The following PIK3C2G variants were observed in gnomAD, a reference collection of about 807,000 sequenced individuals.
The protein encoded by PIK3C2G is phosphatidylinositol 3-kinase C2 domain-containing subunit gamma.
In PIK3C2G, 168 loss-of-function variants were observed where a neutral mutation model predicts 181.1. The observed-to-expected ratio is 0.93, with a 90% CI of 0.82 to 1.05. The LOEUF is 1.05. PIK3C2G is among the 50% of genes least tolerant of loss of function. PIK3C2G has a pLI of 0.00. For synonymous variants in PIK3C2G, 573 were observed against 592.2 expected (o/e 0.97, Z 0.47); for missense variants, 1,869 against 1,732.8 (o/e 1.08, Z -1.40).
At chr12:18,541,971 G>T (rs926518507) in intron 25 of PIK3C2G, among the ~76,000 whole-genome samples, 1 of 151,806 alleles carries the variant, frequency 6.6e-6, no homozygotes, top group Non-Finnish European at 1.5e-5. Flanking sequence ...ACTATTATAG[G>T]TTCATCTGGT....
chr12:18,653,674 AAG>A, the PIK3C2G span, among the ~76,000 whole-genome samples: 2 of 152,164 alleles, frequency 1.3e-5, no homozygotes, highest in Non-Finnish European at 2.9e-5. Flanking sequence ...TTATATACTT[AAG>A]TCACCTCAAC....
intron 11 of PIK3C2G, chr12:18,358,608 G>A: frequency 2.1e-6 from 1 of 467,570 alleles, no homozygotes; most frequent in East Asian, 5.9e-5. Context: ...AAGAATGCCA[G>A]GACAAAAGTT....
chr12:18,299,715 C>T (rs1373314583), intron 5 of PIK3C2G, among the ~76,000 whole-genome samples: 1 of 151,728 alleles, frequency 6.6e-6, no homozygotes, highest in Non-Finnish European at 1.5e-5. Flanking sequence ...TATATTTATA[C>T]CTAGTTTGTT....
chr12:18,565,084 T>G (rs918046351), intron 28 of PIK3C2G, among the ~76,000 whole-genome samples: 27 of 152,312 alleles, frequency 1.8e-4, no homozygotes, highest in Admixed American at 1.8e-3. Context: ...TTTTGTCCTA[T>G]GTTCCCTGAA....
chr12:18,532,208 C>T (rs114389639), intron 24 of PIK3C2G, among the ~76,000 whole-genome samples: 1,829 of 152,084 alleles, frequency 0.012, 36 homozygotes, highest in African/African-American at 0.042. Flanking sequence ...ATCTCTTTTG[C>T]TCATTTTCTA....
chr12:18,275,424 C>G (rs901664720), intron 1 of PIK3C2G, among the ~76,000 whole-genome samples: 5 of 152,064 alleles, frequency 3.3e-5, no homozygotes, highest in Admixed American at 2.6e-4. Flanking sequence ...TCTTGTTGCC[C>G]AGGCCGGAGT....
intron 28 of PIK3C2G, 101 bp from the exon 29 acceptor site, chr12:18,566,848 T>C (rs1394806362): frequency 1.4e-6 from 1 of 704,698 alleles, no homozygotes; most frequent in Non-Finnish European, 2.6e-6. Context: ...ATGTTTTCAT[T>C]GGCCCTTCCA....
At chr12:18,588,299 A>G (rs1272190697) in intron 29 of PIK3C2G, among the ~76,000 whole-genome samples, 1 of 152,074 alleles carries the variant, frequency 6.6e-6, no homozygotes, top group Non-Finnish European at 1.5e-5. Context: ...GAAATAATTA[A>G]CAGAGTAAGC....
chr12:18,319,425 T>TA (rs1362623316), intron 6 of PIK3C2G, among the ~76,000 whole-genome samples: 2 of 152,112 alleles, frequency 1.3e-5, no homozygotes, highest in Non-Finnish European at 2.9e-5. Flanking sequence ...CATGGACAAT[T>TA]ACAGGAATTT....
Position 18,556,407 on chromosome 12 carries a change from G to A in PIK3C2G, c.3591-6296G>A, listed in dbSNP as rs143168458. ...GAGTGAAAGTCTGCCCCCAAACCAT[G>A]GGCTGACCATAAAGTCTCACCCTTC... On this transcript the variant is annotated intron_variant, in intron 26 of 32. Coordinates refer to ENST00000538779, the MANE Select transcript of PIK3C2G (RefSeq NM_001288772.2). Among the ~76,000 whole-genome samples, 477 of 152,130 alleles carry A rather than the reference G, an allele frequency of 3.1e-3. 2 individuals are homozygous for A. Among genetic ancestry groups the A allele is most frequent in the African/African-American group, 0.011 (456 of 41,518 alleles).
intron 29 of PIK3C2G, among the ~76,000 whole-genome samples, chr12:18,589,031 A>G (rs778996538): frequency 1.3e-5 from 2 of 152,086 alleles, no homozygotes; most frequent in African/African-American, 2.4e-5. Flanking sequence ...TATAAGTGGG[A>G]GCTAAATTAT....
chr12:18,618,981 G>A (rs184626049), intron 31 of PIK3C2G, among the ~76,000 whole-genome samples: 1 of 151,880 alleles, frequency 6.6e-6, no homozygotes, highest in Non-Finnish European at 1.5e-5. Context: ...TCTTACATTT[G>A]TGCCTTTGGA....
intron 5 of PIK3C2G, among the ~76,000 whole-genome samples, chr12:18,298,639 C>G (rs753386546): frequency 6.6e-6 from 1 of 151,592 alleles, no homozygotes; most frequent in Non-Finnish European, 1.5e-5. Context: ...TGTTCTGGAA[C>G]ATTTATCTTA....
chr12:18,715,341 C>G, the PIK3C2G span, among the ~76,000 whole-genome samples: 1 of 151,728 alleles, frequency 6.6e-6, no homozygotes, highest in East Asian at 1.9e-4. Flanking sequence ...CTTCACCAAC[C>G]AAGCCAAATC....
chr12:18,408,982 C>T (rs1409732086), intron 16 of PIK3C2G, among the ~76,000 whole-genome samples: 1 of 152,080 alleles, frequency 6.6e-6, no homozygotes, highest in African/African-American at 2.4e-5. Flanking sequence ...TTGTGGAAGA[C>T]AATGTGGCAA....
chr12:18,514,927 T>G (rs900308406), intron 24 of PIK3C2G, among the ~76,000 whole-genome samples: 2 of 152,028 alleles, frequency 1.3e-5, no homozygotes, highest in African/African-American at 4.8e-5. Context: ...TAAACCTAAT[T>G]TGTTGAGAGT....
chr12:18,654,579 G>A, the PIK3C2G span, among the ~76,000 whole-genome samples: 5 of 152,138 alleles, frequency 3.3e-5, no homozygotes, highest in Non-Finnish European at 5.9e-5. Flanking sequence ...TTATTGCCAC[G>A]GGTGTTCCCT....
chr12:18,696,934 A>AGT, the PIK3C2G span, among the ~76,000 whole-genome samples: 57 of 152,292 alleles, frequency 3.7e-4, no homozygotes, highest in African/African-American at 1.3e-3. Context: ...GTATACACAC[A>AGT]AACAGGAACA....
intron 18 of PIK3C2G, among the ~76,000 whole-genome samples, chr12:18,429,166 G>T: frequency 6.6e-6 from 1 of 152,104 alleles, no homozygotes; most frequent in East Asian, 1.9e-4. Context: ...CAGAAGAGGA[G>T]AAGACACACA....
Sources: gnomAD v4.1 joint callset for allele counts (sites outside exome capture counted in the v4.1 genomes callset) on GRCh38, gnomAD v4.1.1 for gene constraint, MANE v1.5 for transcripts, NCBI Gene and HGNC (gene_info 2026-07-23, HGNC 2026-07-21) for gene names.